The following ERICH6B variants were observed in gnomAD, a reference collection of about 807,000 sequenced individuals.
ERICH6B encodes glutamate rich 6B.
In ERICH6B, 69 loss-of-function variants were observed where a neutral mutation model predicts 80.0. The ratio of observed to expected loss-of-function variants is 0.86; its 90% CI spans 0.71 to 1.05. The LOEUF (loss-of-function observed/expected upper bound fraction) is 1.05. ERICH6B is among the 50% of genes least tolerant of loss of function. The probability of loss-of-function intolerance (pLI) is 0.00; values close to 1 mark genes in which losing one functional copy is unlikely to be tolerated. For missense variants in ERICH6B, 754 were observed against 796.1 expected (o/e 0.95, Z 0.64); for synonymous variants, 283 against 291.9 (o/e 0.97, Z 0.31).
chr13:45,589,875 G>T (rs1435248705), intron 4 of ERICH6B, among the ~76,000 whole-genome samples: 2 of 152,180 alleles, frequency 1.3e-5, no homozygotes, highest in Non-Finnish European at 2.9e-5. Context: ...GTGCAGTGGG[G>T]AACAGAGCGG....
At chr13:45,606,847 C>T (rs1016719240) in intron 2 of ERICH6B, among the ~76,000 whole-genome samples, 4 of 151,858 alleles carry the variant, frequency 2.6e-5, no homozygotes, top group African/African-American at 9.7e-5. Flanking sequence ...AGCCACTGCA[C>T]CTCGCCTAAA....
At chr13:45,579,308 G>A (rs924708887) in intron 7 of ERICH6B, among the ~76,000 whole-genome samples, 13 of 152,182 alleles carry the variant, frequency 8.5e-5, no homozygotes, top group African/African-American at 3.1e-4. Flanking sequence ...GCTGCTGTGT[G>A]TGTGTAAGAA....
chr13:45,584,964 T>C (rs1875838138), intron 5 of ERICH6B, among the ~76,000 whole-genome samples: 1 of 152,200 alleles, frequency 6.6e-6, no homozygotes, highest in Admixed American at 6.5e-5. Flanking sequence ...GACTGGGTTT[T>C]GCACTTCCCT....
At chr13:45,601,139 C>T (rs1245080723) in intron 2 of ERICH6B, among the ~76,000 whole-genome samples, 1 of 152,154 alleles carries the variant, frequency 6.6e-6, no homozygotes, top group African/African-American at 2.4e-5. Flanking sequence ...ATTTCCTATC[C>T]GTTGATTCCC....
intron 13 of ERICH6B, among the ~76,000 whole-genome samples, chr13:45,545,451 T>C (rs1873956517): frequency 6.6e-6 from 1 of 152,218 alleles, no homozygotes; most frequent in Admixed American, 6.5e-5. Context: ...TTCACTGTAT[T>C]ATGTTCTAGA....
chr13:45,578,611 C>T (rs1875522975), intron 7 of ERICH6B, among the ~76,000 whole-genome samples: 1 of 152,198 alleles, frequency 6.6e-6, no homozygotes, highest in African/African-American at 2.4e-5. Flanking sequence ...TTTTTACCTC[C>T]TCCATGTTTC....
chr13:45,544,680 T>C (rs1338676124), intron 14 of ERICH6B, 80 bp downstream of exon 14: 1 of 1,253,560 alleles, frequency 8.0e-7, no homozygotes, highest in African/African-American at 1.5e-5. Flanking sequence ...GCCTGTGGCA[T>C]GGGCCAGTCC....
intron 11 of ERICH6B, among the ~76,000 whole-genome samples, chr13:45,558,800 T>C (rs866033090): frequency 5.8e-4 from 89 of 152,298 alleles, no homozygotes; most frequent in African/African-American, 2.0e-3. Context: ...TTGTGGTGGA[T>C]TGTCTTTTTG....
chr13:45,579,181 G>T (rs1206575799), intron 7 of ERICH6B, among the ~76,000 whole-genome samples: 1 of 152,238 alleles, frequency 6.6e-6, no homozygotes, highest in Non-Finnish European at 1.5e-5. Flanking sequence ...ATAAGATGGA[G>T]AAAACTGTTG....
At chr13:45,590,749 T>C (rs1181393587) in intron 3 of ERICH6B, 52 bp from the exon 4 acceptor site, 2 of 1,492,414 alleles carry the variant, frequency 1.3e-6, no homozygotes, top group Admixed American at 2.0e-5. Context: ...CATCTTTCTT[T>C]CTATTTAAAA....
At chr13:45,589,720 C>G (rs1876078147) in intron 4 of ERICH6B, among the ~76,000 whole-genome samples, 1 of 152,224 alleles carries the variant, frequency 6.6e-6, no homozygotes, top group South Asian at 2.1e-4. Flanking sequence ...CTGTCAGGCC[C>G]CTTCACTGTG....
chr13:45,608,799 C>T (rs1483732374), intron 1 of ERICH6B, among the ~76,000 whole-genome samples: 9 of 152,180 alleles, frequency 5.9e-5, no homozygotes, highest in Non-Finnish European at 1.3e-4. Context: ...CGATTCAATA[C>T]ATGAAACCTT....
At chr13:45,545,590 T>C (rs1370470503) in intron 13 of ERICH6B, among the ~76,000 whole-genome samples, 1 of 152,230 alleles carries the variant, frequency 6.6e-6, no homozygotes, top group Non-Finnish European at 1.5e-5. Flanking sequence ...CCATTTTTTG[T>C]TTTTGTTTTT....
intron 5 of ERICH6B, among the ~76,000 whole-genome samples, chr13:45,583,124 A>C (rs1337855149): frequency 1.2e-4 from 18 of 152,212 alleles, no homozygotes; most frequent in Admixed American, 1.2e-3. Context: ...AGTTCCTGCT[A>C]TTTCTCAACT....
intron 7 of ERICH6B, among the ~76,000 whole-genome samples, chr13:45,578,209 T>C (rs1593316683): frequency 6.6e-6 from 1 of 152,230 alleles, no homozygotes; most frequent in East Asian, 1.9e-4. Flanking sequence ...CTGACCCATC[T>C]TTAGCAAGAA....
At position 45,563,695 on chromosome 13, in the gene ERICH6B, C is replaced by T. The variant is rs758860134; in HGVS notation, c.1249+32G>A. 30 of 1,538,698 alleles carry T rather than the reference C, an allele frequency of 1.9e-5. 1 individual carries two copies. In the South Asian group the frequency reaches 3.3e-4, roughly 17 times the overall value. On this transcript the variant is annotated intron_variant, in intron 10 of 14. Transcript: ENST00000298738. ...GGTGGGATGCAGACAGGAGAGCCAG[C>T]ACGTGGTGGAAAATGGTGGAGTGGT...
intron 3 of ERICH6B, among the ~76,000 whole-genome samples, chr13:45,594,923 G>A (rs1459432226): frequency 6.6e-6 from 1 of 152,202 alleles, no homozygotes; most frequent in Non-Finnish European, 1.5e-5. Flanking sequence ...AGAAGACACT[G>A]CAGGGGCATA....
At chr13:45,581,598 A>G (rs1354815899) in intron 5 of ERICH6B, among the ~76,000 whole-genome samples, 1 of 152,146 alleles carries the variant, frequency 6.6e-6, no homozygotes, top group Non-Finnish European at 1.5e-5. Flanking sequence ...TCTGGTCTCG[A>G]ACTCCTGACC....
At chr13:45,608,746 T>C (rs1949883222) in intron 1 of ERICH6B, among the ~76,000 whole-genome samples, 2 of 152,242 alleles carry the variant, frequency 1.3e-5, no homozygotes, top group African/African-American at 4.8e-5. Flanking sequence ...GACATAAATA[T>C]GTGACACAAG....
Sources: allele counts gnomAD v4.1 joint callset (sites outside exome capture counted in the v4.1 genomes callset), GRCh38; gene constraint gnomAD v4.1.1; transcripts MANE v1.5; gene names NCBI Gene and HGNC (gene_info 2026-07-23, HGNC 2026-07-21).